ERBB4: variants seen among roughly 807,000 people sequenced by gnomAD.
ERBB4 encodes receptor tyrosine-protein kinase erbB-4.
A neutral mutation model predicts 158.0 loss-of-function variants in ERBB4; 42 were observed. The observed-to-expected ratio is 0.27, with a 90% CI of 0.21 to 0.34. ERBB4 has a LOEUF of 0.34. Among genes scored for constraint, ERBB4 ranks in the 10% least tolerant of loss-of-function variants. ERBB4 has a pLI of 1.00. For synonymous variants in ERBB4, 583 were observed against 558.7 expected (o/e 1.04, Z -0.61); for missense variants, 1,333 against 1,624.1 (o/e 0.82, Z 3.08).
intron 3 of ERBB4, among the ~76,000 whole-genome samples, chr2:211,845,220 C>T (rs908967802): frequency 1.3e-5 from 2 of 151,818 alleles, no homozygotes; most frequent in Admixed American, 1.3e-4. Context: ...ATACCAATAC[C>T]CTAGACAAAT....
intron 1 of ERBB4, among the ~76,000 whole-genome samples, chr2:212,277,723 A>T (rs2085596618): frequency 6.6e-6 from 1 of 151,520 alleles, no homozygotes; most frequent in Non-Finnish European, 1.5e-5. Context: ...TCCTCCCTGG[A>T]CTCTAAGATT....
intron 25 of ERBB4, among the ~76,000 whole-genome samples, chr2:211,391,325 A>C (rs141526050): frequency 6.6e-6 from 1 of 152,292 alleles, no homozygotes; most frequent in Non-Finnish European, 1.5e-5. Flanking sequence ...TTAAAGTTCG[A>C]AGCAGAACAA....
At chr2:211,456,059 C>G (rs1365451799) in intron 20 of ERBB4, among the ~76,000 whole-genome samples, 1 of 152,148 alleles carries the variant, frequency 6.6e-6, no homozygotes, top group Non-Finnish European at 1.5e-5. Flanking sequence ...CCCGAACATA[C>G]AAACTTATTG....
chr2:211,721,353 T>G (rs1575048832), intron 7 of ERBB4, among the ~76,000 whole-genome samples: 1 of 148,930 alleles, frequency 6.7e-6, no homozygotes, highest in South Asian at 2.1e-4. Context: ...TAGCACAGAC[T>G]ATAAATAATT....
intron 20 of ERBB4, among the ~76,000 whole-genome samples, chr2:211,474,044 T>G (rs2064894964): frequency 6.6e-6 from 1 of 151,926 alleles, no homozygotes. Context: ...GCTGGCTTTC[T>G]CTTGTATATA....
chr2:211,885,450 C>T (rs1441337332), intron 3 of ERBB4, among the ~76,000 whole-genome samples: 13 of 151,720 alleles, frequency 8.6e-5, no homozygotes, highest in Admixed American at 8.5e-4. Context: ...GAAACAACTG[C>T]TATAATTTTT....
At chr2:212,203,319 G>C (rs1188795570) in intron 1 of ERBB4, among the ~76,000 whole-genome samples, 5 of 152,088 alleles carry the variant, frequency 3.3e-5, no homozygotes, top group Non-Finnish European at 7.4e-5. Flanking sequence ...TGCAAGCAGA[G>C]AGAAGAGCAA....
intron 1 of ERBB4, among the ~76,000 whole-genome samples, chr2:212,447,310 T>C (rs535042385): frequency 6.6e-6 from 1 of 152,114 alleles, no homozygotes; most frequent in Non-Finnish European, 1.5e-5. Context: ...ACCAAATTTT[T>C]CAAAAGGTGA....
intron 22 of ERBB4, among the ~76,000 whole-genome samples, chr2:211,427,631 C>A (rs1479834859): frequency 6.6e-6 from 1 of 152,092 alleles, no homozygotes; most frequent in Non-Finnish European, 1.5e-5. Flanking sequence ...ATTGCTCTAA[C>A]TTACTGCTGT....
chr2:212,288,304 G>A (rs1210997148), intron 1 of ERBB4, among the ~76,000 whole-genome samples: 3 of 152,140 alleles, frequency 2.0e-5, no homozygotes, highest in Admixed American at 2.0e-4. Flanking sequence ...ATGGCAAAAG[G>A]AGAATAGGTT....
At chr2:211,630,391 G>C (rs2125872025) in intron 17 of ERBB4, 71 bp downstream of exon 17, 1 of 1,564,644 alleles carries the variant, frequency 6.4e-7, no homozygotes, top group African/African-American at 1.4e-5. Flanking sequence ...TTAAATAATT[G>C]AACATCATCT....
intron 4 of ERBB4, among the ~76,000 whole-genome samples, chr2:211,781,087 C>T (rs929772547): frequency 2.0e-5 from 3 of 151,900 alleles, no homozygotes; most frequent in Non-Finnish European, 4.4e-5. Flanking sequence ...TACACAATAC[C>T]TTAGAAAGGC....
At chr2:212,357,851 T>G (rs546970314) in intron 1 of ERBB4, among the ~76,000 whole-genome samples, 4 of 151,928 alleles carry the variant, frequency 2.6e-5, no homozygotes, top group African/African-American at 9.7e-5. Context: ...GTATCCTTTC[T>G]GAGCAGGGAG....
intron 2 of ERBB4, among the ~76,000 whole-genome samples, chr2:212,069,147 T>C (rs774598844): frequency 6.6e-6 from 1 of 152,052 alleles, no homozygotes; most frequent in Non-Finnish European, 1.5e-5. Context: ...GAGAAAAAAT[T>C]AATACACTTA....
intron 19 of ERBB4, among the ~76,000 whole-genome samples, chr2:211,580,837 T>TAA (rs376463638): frequency 2.5e-4 from 17 of 69,304 alleles, no homozygotes; most frequent in Non-Finnish European, 1.0e-4. Context: ...TATATATAGA[T>TAA]TATATATTAT....
intron 7 of ERBB4, among the ~76,000 whole-genome samples, chr2:211,719,102 T>C (rs948889614): frequency 2.0e-5 from 3 of 152,222 alleles, no homozygotes. Flanking sequence ...CTTCTTGTTC[T>C]GTTATGAATG....
chr2:212,039,666 T>G (rs150224410), intron 2 of ERBB4, among the ~76,000 whole-genome samples: 2 of 152,230 alleles, frequency 1.3e-5, no homozygotes, highest in East Asian at 3.9e-4. Context: ...AACCATTTTA[T>G]ATGTATTTTT....
intron 4 of ERBB4, among the ~76,000 whole-genome samples, chr2:211,782,900 T>C (rs1163049494): frequency 6.6e-6 from 1 of 152,228 alleles, no homozygotes; most frequent in Non-Finnish European, 1.5e-5. Flanking sequence ...TTTTTTCCAA[T>C]TCTGTGAAGA....
intron 2 of ERBB4, among the ~76,000 whole-genome samples, chr2:211,979,477 A>G (rs2081729287): frequency 6.6e-6 from 1 of 152,030 alleles, no homozygotes. Context: ...ATGCTTGTCT[A>G]CTCTTTAGTT....
Sources: gnomAD v4.1 joint callset for allele counts (sites outside exome capture counted in the v4.1 genomes callset) on GRCh38, gnomAD v4.1.1 for gene constraint, MANE v1.5 for transcripts, NCBI Gene and HGNC (gene_info 2026-07-23, HGNC 2026-07-21) for gene names.